CABP7: variants seen among roughly 807,000 people sequenced by gnomAD.
CABP7 encodes the protein calcium binding protein 7, also known as calcium-binding protein 7.
A neutral mutation model predicts 23.1 loss-of-function variants in CABP7; 13 were observed. That is an observed-to-expected ratio of 0.56 (90% CI 0.37 to 0.90). The LOEUF (loss-of-function observed/expected upper bound fraction) is 0.90, where lower values mean the gene tolerates loss of function less well. CABP7 is among the 40% of genes least tolerant of loss of function. The pLI, the probability that CABP7 is intolerant of heterozygous loss-of-function variation, is 0.01. For synonymous variants in CABP7, 123 were observed against 115.3 expected (o/e 1.07, Z -0.43); for missense variants, 248 against 295.6 (o/e 0.84, Z 1.18).
At position 29,721,042 on chromosome 22, in the gene CABP7, G is replaced by A. The variant is rs191229299; in HGVS notation, c.109+509G>A. Among the ~76,000 whole-genome samples the A allele has an allele frequency of 1.0e-3, 158 of 152,274 alleles. 2 individuals carry two copies. The Middle Eastern group carries it at 0.027, about 26-fold the overall frequency. On this transcript the variant is annotated intron_variant, in intron 1 of 4. Transcript: ENST00000216144. ...CCCTGCTCTTGCCCGCTGCGGGGCC[G>A]CCCCCGTCCCCACCTGCGGCCGTAG...
rs2067815164 is a variant in CABP7 at position 29,728,873 on chromosome 22, C to T, written c.366+131C>T. The T allele has an allele frequency of 3.0e-6, 3 of 1,009,650 alleles. No homozygotes were observed. In the South Asian group the frequency reaches 4.5e-5, roughly 15 times the overall value. The allele number at this position is 1,009,650 out of a possible 1,614,324, so 62.5% of individuals were successfully genotyped here. ...GGCTTGTGTCCACTGGACATTTCAC[C>T]TCTCAGAGGGCCATGGGCTCCCTGG... On this transcript the variant is annotated intron_variant, in intron 3 of 4. Coordinates refer to ENST00000216144, the MANE Select transcript of CABP7 (RefSeq NM_182527.3).
rs1319228757 is a variant in CABP7 at position 29,730,287 on chromosome 22, T to G, written c.*718T>G. 1 of 152,700 alleles carries G rather than the reference T, an allele frequency of 6.5e-6. No homozygotes were observed. The highest frequency in any genetic ancestry group is 1.5e-5 in the Non-Finnish European group (1 of 68,070). 9.5% of individuals were successfully genotyped at this position (152,700 alleles called of 1,614,324 possible). ...AGGAAAGGCAGAAGCTCGTGGAGGA[T>G]GGGCATCTGAGGTGGCCCTGCAGCC... is the stretch of plus-strand genomic sequence containing the variant. On this transcript the variant is annotated 3_prime_UTR_variant, in exon 5 of 5. Coordinates refer to ENST00000216144, the MANE Select transcript of CABP7 (RefSeq NM_182527.3).
intron 1 of CABP7, among the ~76,000 whole-genome samples, chr22:29,722,800 A>G (rs774425874): frequency 2.0e-5 from 3 of 152,220 alleles, no homozygotes; most frequent in Non-Finnish European, 2.9e-5. Context: ...GAGGAGCCAC[A>G]TGTGCCAGGA....
chr22:29,729,399 T>C (rs751545547), intron 4 of CABP7, 43 bp from the exon 5 acceptor site: 1 of 1,601,826 alleles, frequency 6.2e-7, no homozygotes, highest in South Asian at 1.1e-5. Flanking sequence ...ATCGCTTTGA[T>C]GTCCCCTTCT....
intron 1 of CABP7, among the ~76,000 whole-genome samples, chr22:29,725,950 G>T (rs186982735): frequency 6.6e-6 from 1 of 152,274 alleles, no homozygotes; most frequent in African/African-American, 2.4e-5. Context: ...AGCCTCCGTG[G>T]CTGACAGGCC....
chr22:29,729,812 C>T lies in CABP7; in HGVS notation c.*243C>T. The T allele has an allele frequency of 1.8e-6, 1 of 559,494 alleles. No individual in the cohort carries two copies. The highest frequency in any genetic ancestry group is 3.0e-5 in the East Asian group (1 of 33,026). 34.7% of individuals were successfully genotyped at this position (559,494 alleles called of 1,614,324 possible). A position where few individuals can be genotyped will look rare whatever the true frequency, so the allele number is the denominator to read the frequency against. On this transcript the variant is annotated 3_prime_UTR_variant, in exon 5 of 5. Transcript: ENST00000216144. ...CAGCCCCACCCTGTCCCCACCCTGGCCTGTAAGGAGCACTCACTCTTCCTA... is the reference window on the plus strand; with the variant it reads ...CAGCCCCACCCTGTCCCCACCCTGGTCTGTAAGGAGCACTCACTCTTCCTA...
Position 29,720,395 on chromosome 22 carries a change from C to T in CABP7, c.-30C>T, listed in dbSNP as rs1454083434. The T allele has an allele frequency of 3.5e-6, 5 of 1,417,534 alleles. No individual in the cohort carries two copies. In the South Asian group the frequency reaches 3.8e-5, roughly 11 times the overall value. The allele number at this position is 1,417,534 out of a possible 1,614,324, so 87.8% of individuals were successfully genotyped here. A position where few individuals can be genotyped will look rare whatever the true frequency, so the allele number is the denominator to read the frequency against. Reference sequence around the variant, plus strand: ...CCATGAGCCCCGGCCTCAAAGTTTGCGGCGGGCGGGCGGGCGCGGAGCCTC... The same window carrying T: ...CCATGAGCCCCGGCCTCAAAGTTTGTGGCGGGCGGGCGGGCGCGGAGCCTC... On this transcript the variant is annotated 5_prime_UTR_variant, in exon 1 of 5. Coordinates refer to ENST00000216144, the MANE Select transcript of CABP7 (RefSeq NM_182527.3). This position sits in a 1 kb window ranked among gnomAD's most constrained non-coding sequence, Gnocchi z 5.2.
intron 1 of CABP7, among the ~76,000 whole-genome samples, chr22:29,721,356 C>T (rs561201519): frequency 1.3e-5 from 2 of 152,230 alleles, no homozygotes; most frequent in South Asian, 4.1e-4. Flanking sequence ...TGGGGCCCGC[C>T]CAGCTCCTTC....
intron 1 of CABP7, among the ~76,000 whole-genome samples, chr22:29,726,669 A>G (rs1200121008): frequency 1.3e-5 from 2 of 152,246 alleles, no homozygotes; most frequent in Non-Finnish European, 2.9e-5. Flanking sequence ...CCAGGGGAAC[A>G]GCTTAGGCAA....
intron 1 of CABP7, among the ~76,000 whole-genome samples, chr22:29,721,217 C>T (rs1423679451): frequency 6.6e-6 from 1 of 152,178 alleles, no homozygotes; most frequent in Non-Finnish European, 1.5e-5. Flanking sequence ...GGACCCAAAC[C>T]CGCCCCCACC....
chr22:29,722,978 C>T (rs920238046), intron 1 of CABP7, among the ~76,000 whole-genome samples: 1 of 152,256 alleles, frequency 6.6e-6, no homozygotes, highest in African/African-American at 2.4e-5. Flanking sequence ...TGAGTCTCTG[C>T]ACCTTCAGCT....
In CABP7 at chr22:29,720,739, G is replaced by A. The variant is rs1372127526; in HGVS notation, c.109+206G>A. ...GGTGGGGGTCGCTCAGGCGGAGAGC[G>A]GCCCAGCCCCTGCCCGCGTGGTCCC... On this transcript the variant is annotated intron_variant, in intron 1 of 4. Coordinates refer to ENST00000216144, the MANE Select transcript of CABP7 (RefSeq NM_182527.3). This position sits in a 1 kb window ranked among gnomAD's most constrained non-coding sequence, Gnocchi z 5.2. Among the ~76,000 whole-genome samples, 1 of 151,502 alleles carries A rather than the reference G, an allele frequency of 6.6e-6. No individual in the cohort carries two copies. Among genetic ancestry groups the A allele is most frequent in the East Asian group, 1.9e-4 (1 of 5,132 alleles).
At chr22:29,726,312 G>A (rs910423132) in intron 1 of CABP7, among the ~76,000 whole-genome samples, 1 of 152,210 alleles carries the variant, frequency 6.6e-6, no homozygotes, top group Non-Finnish European at 1.5e-5. Flanking sequence ...CTCGAAGTGT[G>A]GCCTGGGACA....
chr22:29,721,709 G>C (rs1235113296), intron 1 of CABP7, among the ~76,000 whole-genome samples: 2 of 152,086 alleles, frequency 1.3e-5, no homozygotes, highest in Admixed American at 6.5e-5. Flanking sequence ...AGAATGGGTC[G>C]GGGGAAGATC....
At position 29,731,246 on chromosome 22, in the gene CABP7, C is replaced by T. The variant is rs2067839323; in HGVS notation, c.*1677C>T. 1 of 1,510,848 alleles carries T rather than the reference C, an allele frequency of 6.6e-7. No homozygotes were observed. Among genetic ancestry groups the T allele is most frequent in the Non-Finnish European group, 8.7e-7 (1 of 1,143,076 alleles). 93.6% of individuals were successfully genotyped at this position (1,510,848 alleles called of 1,614,324 possible). A position where few individuals can be genotyped will look rare whatever the true frequency, so the allele number is the denominator to read the frequency against. ...GGGCTCAGCCCCACTGGACTCTGGG[C>T]TGCAGAGGCCACCCCCCAGGTGGGG... On this transcript the variant is annotated 3_prime_UTR_variant, in exon 5 of 5. Transcript: ENST00000216144.
At chr22:29,724,674 TGA>T (rs2067783188) in intron 1 of CABP7, among the ~76,000 whole-genome samples, 1 of 151,850 alleles carries the variant, frequency 6.6e-6, no homozygotes, top group South Asian at 2.1e-4. Flanking sequence ...GGCACCAAGG[TGA>T]GACTTTGTGG....
In CABP7 at chr22:29,726,523, G is replaced by A. The variant is rs116633842; in HGVS notation, c.110-1139G>A. Reference sequence around the variant, plus strand: ...TCTGAGCCCACGCTGACTCTGGGCCGGCCGCTGGGGCTCTCTCAGCCTGTT... The same window carrying A: ...TCTGAGCCCACGCTGACTCTGGGCCAGCCGCTGGGGCTCTCTCAGCCTGTT... On this transcript the variant is annotated intron_variant, in intron 1 of 4. Transcript: ENST00000216144. 8.7e-3 allele frequency among the ~76,000 whole-genome samples: 1,318 copies of A among 152,350 alleles called. 21 individuals carry two copies. The highest frequency in any genetic ancestry group is 0.03 in the African/African-American group (1,244 of 41,572).
rs773465589 is a variant in CABP7 at position 29,731,265 on chromosome 22, G to C, written c.*1696G>C. 1.8e-5 allele frequency: 28 copies of C among 1,519,210 alleles called. No individual in the cohort carries two copies. In the Admixed American group the frequency reaches 1.9e-4, roughly 10 times the overall value. 94.1% of individuals were successfully genotyped at this position (1,519,210 alleles called of 1,614,324 possible). A position where few individuals can be genotyped will look rare whatever the true frequency, so the allele number is the denominator to read the frequency against. ...TCTGGGCTGCAGAGGCCACCCCCCAGGTGGGGGTGCCCGCAGGGATGGAGG... is the reference window on the plus strand; with the variant it reads ...TCTGGGCTGCAGAGGCCACCCCCCACGTGGGGGTGCCCGCAGGGATGGAGG... On this transcript the variant is annotated 3_prime_UTR_variant, in exon 5 of 5. Coordinates refer to ENST00000216144, the MANE Select transcript of CABP7 (RefSeq NM_182527.3).
intron 1 of CABP7, among the ~76,000 whole-genome samples, chr22:29,721,219 GC>G (rs2067759840): frequency 6.6e-6 from 1 of 152,152 alleles, no homozygotes; most frequent in Non-Finnish European, 1.5e-5. Context: ...ACCCAAACCC[GC>G]CCCCACCCCG....
Sources: gnomAD v4.1 joint callset for allele counts (sites outside exome capture counted in the v4.1 genomes callset) on GRCh38, gnomAD v4.1.1 for gene constraint, Gnocchi (gnomAD v3.1) non-coding constraint, MANE v1.5 for transcripts, NCBI Gene and HGNC (gene_info 2026-07-23, HGNC 2026-07-21) for gene names.